IL1R1: variants seen among roughly 807,000 people sequenced by gnomAD.
IL1R1 encodes interleukin-1 receptor type 1.
IL1R1 carries 22 observed loss-of-function variants against 50.2 expected under a neutral mutation model. That is an observed-to-expected ratio of 0.44 (90% CI 0.31 to 0.63). IL1R1 has a LOEUF of 0.63. IL1R1 is among the 20% of genes least tolerant of loss of function. IL1R1 has a pLI of 0.07. For synonymous variants in IL1R1, 251 were observed against 236.7 expected (o/e 1.06, Z -0.55); for missense variants, 509 against 676.2 (o/e 0.75, Z 2.74).
chr2:102,072,035 A>G (rs11885528), intron 1 of IL1R1, among the ~76,000 whole-genome samples: 63,028 of 151,898 alleles, frequency 0.41, 14,568 homozygotes, highest in East Asian at 0.54. Flanking sequence ...AGTGGGGGGA[A>G]TCAGCTGAGG....
At chr2:102,097,669 T>G (rs1310055954) in intron 1 of IL1R1, among the ~76,000 whole-genome samples, 1 of 152,028 alleles carries the variant, frequency 6.6e-6, no homozygotes, top group Non-Finnish European at 1.5e-5. Context: ...AAAAACATAA[T>G]GTATCAAAAT....
At chr2:102,107,176 C>A (rs534807872) in intron 1 of IL1R1, among the ~76,000 whole-genome samples, 50 of 152,282 alleles carry the variant, frequency 3.3e-4, no homozygotes, top group Admixed American at 9.8e-4. Flanking sequence ...GAAAAGTGTG[C>A]TACTCTGCAT....
At chr2:102,176,151 C>T (rs756480534) in intron 11 of IL1R1, 29 of 538,594 alleles carry the variant, frequency 5.4e-5, no homozygotes, top group East Asian at 9.7e-5. Context: ...CACGCCACTG[C>T]GCTCCAGTGT....
chr2:102,143,328 A>G (rs1327634865), intron 1 of IL1R1, among the ~76,000 whole-genome samples: 2 of 152,112 alleles, frequency 1.3e-5, no homozygotes, highest in East Asian at 1.9e-4. Context: ...GCTACGTTCT[A>G]CAGGTTCAGG....
intron 1 of IL1R1, among the ~76,000 whole-genome samples, chr2:102,093,450 A>G (rs1679767877): frequency 6.6e-6 from 1 of 152,194 alleles, no homozygotes; most frequent in Non-Finnish European, 1.5e-5. Flanking sequence ...ACCATTTTAC[A>G]TTCCCTCCAG....
At position 102,166,180 on chromosome 2, in the gene IL1R1, A is replaced by T; in HGVS notation, c.554A>T (p.Asn185Ile). The T allele has an allele frequency of 6.2e-7, 1 of 1,613,886 alleles. No individual in the cohort carries two copies. Among genetic ancestry groups the T allele is most frequent in the Non-Finnish European group, 8.5e-7 (1 of 1,179,814 alleles). ...SGVKDRLIVM[N>I]VAEKHRGNYT... ...GTCAAAGATAGGCTCATCGTGATGA[A>T]TGTGGCTGAAAAGCATAGAGGGAAC... The change falls in exon 6 of 12, where the codon AAT (asparagine) becomes ATT (isoleucine). Residue 185 changes from asparagine (N) to isoleucine (I), a missense_variant. Physicochemically the swap from Asn to Ile is moderately radical, Grantham distance 149. Coordinates refer to ENST00000410023, the MANE Select transcript of IL1R1 (RefSeq NM_000877.4).
chr2:102,107,593 T>C (rs1227928679), intron 1 of IL1R1, among the ~76,000 whole-genome samples: 1 of 152,134 alleles, frequency 6.6e-6, no homozygotes, highest in Non-Finnish European at 1.5e-5. Flanking sequence ...TATACATATG[T>C]AACAAACCTG....
At chr2:102,124,984 C>G (rs759138105) in intron 1 of IL1R1, among the ~76,000 whole-genome samples, 5 of 152,260 alleles carry the variant, frequency 3.3e-5, no homozygotes, top group Admixed American at 6.5e-5. Flanking sequence ...GGGGAACCAC[C>G]GCCATAATCC....
intron 1 of IL1R1, among the ~76,000 whole-genome samples, chr2:102,136,439 C>T (rs1004401348): frequency 2.2e-4 from 32 of 146,848 alleles, no homozygotes; most frequent in African/African-American, 7.6e-4. Flanking sequence ...TGCAGTGGCA[C>T]GATCTTGGCT....
At chr2:102,121,936 G>A (rs564198441) in intron 1 of IL1R1, among the ~76,000 whole-genome samples, 1 of 152,222 alleles carries the variant, frequency 6.6e-6, no homozygotes, top group East Asian at 1.9e-4. Flanking sequence ...TCACCTCAAG[G>A]TAATAGATGC....
At chr2:102,123,825 T>C (rs894223536) in intron 1 of IL1R1, among the ~76,000 whole-genome samples, 4 of 151,846 alleles carry the variant, frequency 2.6e-5, no homozygotes, top group Admixed American at 6.6e-5. Flanking sequence ...TAATGTAACA[T>C]GAATTCAATG....
At chr2:102,120,393 C>T (rs1024960188) in intron 1 of IL1R1, among the ~76,000 whole-genome samples, 8 of 152,038 alleles carry the variant, frequency 5.3e-5, no homozygotes, top group Middle Eastern at 3.4e-3. Context: ...GAATGTGTGT[C>T]GTGTGTGCAT....
At chr2:102,124,373 T>C (rs578204354) in intron 1 of IL1R1, among the ~76,000 whole-genome samples, 12 of 151,670 alleles carry the variant, frequency 7.9e-5, no homozygotes, top group African/African-American at 2.2e-4. Flanking sequence ...TGAGCTGAGA[T>C]TGCGCCACTG....
At chr2:102,160,270 T>A (rs3917255) in intron 3 of IL1R1, among the ~76,000 whole-genome samples, 2,366 of 152,268 alleles carry the variant, frequency 0.016, 69 homozygotes, top group African/African-American at 0.053. Flanking sequence ...ATCTCTTTTT[T>A]TTCCTGATTA....
chr2:102,125,611 C>T (rs1397809034), intron 1 of IL1R1, among the ~76,000 whole-genome samples: 2 of 152,198 alleles, frequency 1.3e-5, no homozygotes, highest in Non-Finnish European at 2.9e-5. Flanking sequence ...CCTTGTTAGG[C>T]CCTTCCAGCC....
chr2:102,160,488 ATC>A (rs1684617090), intron 3 of IL1R1, among the ~76,000 whole-genome samples: 1 of 152,076 alleles, frequency 6.6e-6, no homozygotes, highest in Non-Finnish European at 1.5e-5. Context: ...GATGTTTCAT[ATC>A]TAGGGAGAGA....
intron 6 of IL1R1, 42 bp from the exon 7 acceptor site, chr2:102,168,556 T>C: frequency 6.7e-7 from 1 of 1,494,200 alleles, no homozygotes; most frequent in Non-Finnish European, 9.3e-7. Flanking sequence ...GAGATTCTGA[T>C]CTATAAGAGA....
intron 1 of IL1R1, among the ~76,000 whole-genome samples, chr2:102,130,992 C>G (rs972010764): frequency 2.0e-5 from 3 of 152,162 alleles, no homozygotes; most frequent in African/African-American, 4.8e-5. Flanking sequence ...GGCCATGGCA[C>G]AGGGAAGCGT....
At position 102,179,432 on chromosome 2, in the gene IL1R1, C is replaced by T. The variant is rs1385803208; in HGVS notation, c.*2673C>T. 2 of 152,340 alleles carry T rather than the reference C, an allele frequency of 1.3e-5. No individual in the cohort carries two copies. The highest frequency in any genetic ancestry group is 4.8e-5 in the African/African-American group (2 of 41,442). 9.4% of individuals were successfully genotyped at this position (152,340 alleles called of 1,614,324 possible). A position where few individuals can be genotyped will look rare whatever the true frequency, so the allele number is the denominator to read the frequency against. ...GAATTCTGGAGGAAGAAGACACATT[C>T]CTAGTTCCCCGTGAACTTCCTTTGA... is the stretch of plus-strand genomic sequence containing the variant. On this transcript the variant is annotated 3_prime_UTR_variant, in exon 12 of 12. Transcript: ENST00000410023.
Sources: gnomAD v4.1 joint callset for allele counts (sites outside exome capture counted in the v4.1 genomes callset) on GRCh38, gnomAD v4.1.1 for gene constraint, MANE v1.5 for transcripts, NCBI Gene and HGNC (gene_info 2026-07-23, HGNC 2026-07-21) for gene names.